ESR1: variants seen among roughly 807,000 people sequenced by gnomAD.
The protein encoded by ESR1 is estrogen receptor 1.
ESR1 carries 12 observed loss-of-function variants against 52.7 expected under a neutral mutation model. The observed-to-expected ratio is 0.23, with a 90% CI of 0.15 to 0.37. The LOEUF (loss-of-function observed/expected upper bound fraction) is 0.37, where lower values mean the gene tolerates loss of function less well. Ranked by LOEUF, ESR1 falls within the 10% of genes least tolerant of loss-of-function variation. ESR1 has a pLI of 1.00. For missense variants in ESR1, 584 were observed against 779.7 expected (o/e 0.75, Z 2.99); for synonymous variants, 305 against 316.8 (o/e 0.96, Z 0.39).
chr6:151,928,004 G>A (rs919500143), intron 3 of ESR1, among the ~76,000 whole-genome samples: 1 of 152,072 alleles, frequency 6.6e-6, no homozygotes, highest in Non-Finnish European at 1.5e-5. Flanking sequence ...GATTACAGGC[G>A]TGAGCCACCG....
At chr6:152,122,493 G>T (rs770321987) in intron 6 of ESR1, 1 of 1,614,234 alleles carries the variant, frequency 6.2e-7, no homozygotes, top group Non-Finnish European at 8.5e-7. Flanking sequence ...ACCGGGCAAA[G>T]TTGTTGGAGA....
At chr6:151,761,936 G>T (rs1422799727) in intron 2 of ESR1, among the ~76,000 whole-genome samples, 1 of 152,222 alleles carries the variant, frequency 6.6e-6, no homozygotes, top group Non-Finnish European at 1.5e-5. Flanking sequence ...CCCAAGTGAA[G>T]TTGATGGCTG....
At chr6:151,802,865 C>T (rs1297895930), upstream of ESR1, among the ~76,000 whole-genome samples, 1 of 151,936 alleles carries the variant, frequency 6.6e-6, no homozygotes. Context: ...GTGGCGGACA[C>T]CTGTAATCCC....
chr6:152,103,734 T>C (rs369328615), downstream of ESR1, among the ~76,000 whole-genome samples: 58 of 152,206 alleles, frequency 3.8e-4, no homozygotes, highest in East Asian at 0.01. Flanking sequence ...TGATCTGAAA[T>C]GATATAATTA....
intron 1 of ESR1, among the ~76,000 whole-genome samples, chr6:151,696,778 AAGAGTGCTTGC>A (rs1223875162): frequency 1.3e-5 from 2 of 152,218 alleles, no homozygotes; most frequent in African/African-American, 4.8e-5. Flanking sequence ...GTAGAATGTG[AAGAGTGCTTGC>A]AGAGTGCTGA....
At chr6:152,079,749 G>T (rs2049038986) in intron 6 of ESR1, among the ~76,000 whole-genome samples, 1 of 152,144 alleles carries the variant, frequency 6.6e-6, no homozygotes, top group Admixed American at 6.5e-5. Context: ...CTTGAAAAAA[G>T]GTTAGATGAA....
At chr6:151,916,339 CA>C (rs2030182774) in intron 3 of ESR1, among the ~76,000 whole-genome samples, 1 of 152,122 alleles carries the variant, frequency 6.6e-6, no homozygotes, top group Admixed American at 6.5e-5. Flanking sequence ...GACATTGGTT[CA>C]ATTCAATACA....
intron 2 of ESR1, among the ~76,000 whole-genome samples, chr6:151,870,413 A>G (rs2128308287): frequency 6.6e-6 from 1 of 152,284 alleles, no homozygotes; most frequent in Admixed American, 6.5e-5. Context: ...ATCAGGGAAT[A>G]ATATTTTTAT....
intron 5 of ESR1, among the ~76,000 whole-genome samples, chr6:152,060,744 A>G (rs893229604): frequency 1.8e-4 from 27 of 152,222 alleles, no homozygotes; most frequent in African/African-American, 6.5e-4. Context: ...AGACTTGAGG[A>G]CTGAACTACC....
In ESR1 at chr6:152,122,500, G is replaced by C. The variant is rs377446250; in HGVS notation, c.851-2766G>C. The C allele has an allele frequency of 1.4e-4, 226 of 1,614,072 alleles. No homozygotes were observed. The highest frequency in any genetic ancestry group is 1.8e-4 in the Non-Finnish European group (215 of 1,180,052). The stretch of plus-strand genomic sequence containing the variant: ...GTGGAATGACCGGGCAAAGTTGTTG[G>C]AGAGGGCACAGCTGTAGTCTTCCTC... On this transcript the variant is annotated intron_variant, in intron 6 of 6. Transcript: ENST00000427531.
chr6:151,917,605 T>G (rs2030574446), intron 3 of ESR1, among the ~76,000 whole-genome samples: 1 of 152,178 alleles, frequency 6.6e-6, no homozygotes, highest in Non-Finnish European at 1.5e-5. Context: ...AGGCCTTGAC[T>G]CTTGGTTTTC....
At chr6:151,685,151 G>A (rs1434494484) in intron 1 of ESR1, among the ~76,000 whole-genome samples, 111 of 104,910 alleles carry the variant, frequency 1.1e-3, no homozygotes, top group African/African-American at 3.9e-3. Flanking sequence ...TTTTGAGACG[G>A]AGTCTCGCTC....
At position 152,023,682 on chromosome 6, in the gene ESR1, G is replaced by A. The variant is rs143792167; in HGVS notation, c.1235+11888G>A. Among the ~76,000 whole-genome samples the A allele has an allele frequency of 3.8e-3, 574 of 152,278 alleles. 2 individuals carry two copies. The highest frequency in any genetic ancestry group is 4.8e-3 in the Non-Finnish European group (325 of 68,014). On this transcript the variant is annotated intron_variant, in intron 5 of 7. Transcript: ENST00000206249. ...ATATATTAGACATTAGGTCATTAAT[G>A]TCTGTCTATTTGAATTTATAACAAT... is the stretch of plus-strand genomic sequence containing the variant.
intron 5 of ESR1, among the ~76,000 whole-genome samples, chr6:152,014,461 T>C (rs1373341693): frequency 6.6e-6 from 1 of 151,982 alleles, no homozygotes; most frequent in African/African-American, 2.4e-5. Flanking sequence ...CTCAATGTTC[T>C]ATAAGCTCCT....
chr6:152,065,554 C>G (rs917110758), intron 6 of ESR1, among the ~76,000 whole-genome samples: 10 of 152,210 alleles, frequency 6.6e-5, no homozygotes, highest in South Asian at 2.1e-4. Flanking sequence ...CTAAACCGCT[C>G]TTAACCACAG....
At chr6:152,050,961 A>G (rs1423632610) in intron 5 of ESR1, among the ~76,000 whole-genome samples, 1 of 152,050 alleles carries the variant, frequency 6.6e-6, no homozygotes, top group East Asian at 1.9e-4. Flanking sequence ...AAGCTTTTAC[A>G]TTTCCGTTAT....
At chr6:151,908,139 T>G (rs60554477) in intron 3 of ESR1, among the ~76,000 whole-genome samples, 4,266 of 152,280 alleles carry the variant, frequency 0.028, 189 homozygotes, top group African/African-American at 0.097. Flanking sequence ...CATGAATCGT[T>G]TATGAATAAA....
intron 2 of ESR1, among the ~76,000 whole-genome samples, chr6:151,870,016 G>A (rs1186020626): frequency 1.3e-5 from 2 of 152,120 alleles, no homozygotes; most frequent in African/African-American, 4.8e-5. Context: ...TTAGGAATGT[G>A]TTCACTGAGA....
intron 6 of ESR1, among the ~76,000 whole-genome samples, chr6:152,075,719 A>G (rs1322587689): frequency 6.6e-6 from 1 of 152,242 alleles, no homozygotes; most frequent in Non-Finnish European, 1.5e-5. Context: ...TTTATTAGTG[A>G]CTATTGCAAA....
Sources: allele counts gnomAD v4.1 joint callset (sites outside exome capture counted in the v4.1 genomes callset), GRCh38; gene constraint gnomAD v4.1.1; transcripts MANE v1.5; gene names NCBI Gene and HGNC (gene_info 2026-07-23, HGNC 2026-07-21).